R3HDM1: variants seen among roughly 807,000 people sequenced by gnomAD.
The protein encoded by R3HDM1 is R3H domain containing 1.
R3HDM1 carries 46 observed loss-of-function variants against 141.1 expected under a neutral mutation model. The observed-to-expected ratio is 0.33, with a 90% CI of 0.26 to 0.42. The LOEUF (loss-of-function observed/expected upper bound fraction) is 0.42. Ranked by LOEUF, R3HDM1 falls within the 10% of genes least tolerant of loss-of-function variation. R3HDM1 has a pLI of 1.00. For missense variants in R3HDM1, 1,184 were observed against 1,368.3 expected (o/e 0.87, Z 2.12); for synonymous variants, 435 against 472.9 (o/e 0.92, Z 1.04).
intron 21 of R3HDM1, among the ~76,000 whole-genome samples, chr2:135,695,694 T>A (rs2073136676): frequency 1.3e-5 from 2 of 152,032 alleles, no homozygotes; most frequent in Non-Finnish European, 2.9e-5. Flanking sequence ...CAGAAGACAG[T>A]GGAGCAACAT....
chr2:135,619,059 G>A (rs2061326010), intron 5 of R3HDM1, among the ~76,000 whole-genome samples: 1 of 151,214 alleles, frequency 6.6e-6, no homozygotes, highest in Non-Finnish European at 1.5e-5. Context: ...GTACAAGTCA[G>A]AGTAAAGAAT....
At position 135,661,287 on chromosome 2, in the gene R3HDM1, C is replaced by T. The variant is rs770226475; in HGVS notation, c.2046C>T (p.Cys682=). The T allele has an allele frequency of 9.9e-6, 16 of 1,613,802 alleles. No homozygotes were observed. The highest frequency in any genetic ancestry group is 3.3e-5 in the South Asian group (3 of 91,068). Residue 682 remains cysteine (C), a synonymous_variant, in exon 19 of 27, where the codon TGC becomes TGT. Coordinates refer to ENST00000683871, the MANE Select transcript of R3HDM1 (RefSeq NM_001378107.1). ...GATCCTAGATGCCAGCCTGTTATTG[C>T]GCTCCAGGCCACTATCACTCCAGCC... ...QPSPQMPACY[C]APGHYHSSQP... is the part of the protein sequence containing the mutation.
intron 5 of R3HDM1, chr2:135,619,778 A>G (rs565157480): frequency 1.1e-6 from 1 of 929,796 alleles, no homozygotes; most frequent in Admixed American, 6.2e-5. Context: ...CTGGAATAAA[A>G]CTCATTATTC....
At chr2:135,661,593 T>C (rs906258902) in intron 19 of R3HDM1, among the ~76,000 whole-genome samples, 200 bp downstream of exon 19, 1 of 152,228 alleles carries the variant, frequency 6.6e-6, no homozygotes, top group African/African-American at 2.4e-5. Context: ...CACGTCTACA[T>C]GCTAAAGGGT....
At chr2:135,602,151 T>G (rs1429326294) in intron 1 of R3HDM1, among the ~76,000 whole-genome samples, 1 of 152,076 alleles carries the variant, frequency 6.6e-6, no homozygotes, top group East Asian at 1.9e-4. Flanking sequence ...AAAATGATGG[T>G]TCTTGGAGTT....
At chr2:135,584,851 G>A (rs1297696953) in intron 1 of R3HDM1, among the ~76,000 whole-genome samples, 1 of 152,108 alleles carries the variant, frequency 6.6e-6, no homozygotes, top group African/African-American at 2.4e-5. Context: ...CTGCATTTTA[G>A]CTTGTCCATC....
At chr2:135,607,429 C>G in intron 3 of R3HDM1, 1 of 695,636 alleles carries the variant, frequency 1.4e-6, no homozygotes, top group Non-Finnish European at 1.8e-6. Context: ...CACTTATAGT[C>G]AAGTGGTAAT....
intron 15 of R3HDM1, among the ~76,000 whole-genome samples, chr2:135,642,335 A>G (rs112834595): frequency 3.9e-5 from 6 of 152,286 alleles, no homozygotes; most frequent in Middle Eastern, 6.8e-3. Flanking sequence ...TTGACAATAC[A>G]TATTCTTTGC....
chr2:135,692,515 C>A (rs144533449), intron 21 of R3HDM1, among the ~76,000 whole-genome samples: 2 of 152,188 alleles, frequency 1.3e-5, no homozygotes, highest in African/African-American at 4.8e-5. Flanking sequence ...TCGCTTGAAC[C>A]CAGGAGGCAG....
intron 1 of R3HDM1, among the ~76,000 whole-genome samples, chr2:135,547,098 C>T (rs918810464): frequency 5.3e-5 from 8 of 152,152 alleles, no homozygotes; most frequent in Non-Finnish European, 8.8e-5. Flanking sequence ...ATCTTTTGAA[C>T]TCAGACACCT....
intron 24 of R3HDM1, 91 bp downstream of exon 24, chr2:135,715,785 C>T: frequency 6.8e-7 from 1 of 1,462,778 alleles, no homozygotes; most frequent in Non-Finnish European, 9.3e-7. Flanking sequence ...TATTGCCTTT[C>T]TATTTTCCAT....
intron 21 of R3HDM1, among the ~76,000 whole-genome samples, chr2:135,701,223 CAAAAAAAAA>C (rs748354211): frequency 3.6e-5 from 3 of 82,432 alleles, no homozygotes; most frequent in South Asian, 3.6e-4. Context: ...TCATCTCTAC[CAAAAAAAAA>C]AAAAAAAAAA....
At chr2:135,545,021 T>C (rs1444938348) in intron 1 of R3HDM1, among the ~76,000 whole-genome samples, 2 of 152,174 alleles carry the variant, frequency 1.3e-5, no homozygotes, top group African/African-American at 4.8e-5. Context: ...TAATAAAATG[T>C]AAATAACCCC....
chr2:135,716,509 A>T lies in R3HDM1; in HGVS notation c.2881+815A>T, dbSNP rs75141867. Among the ~76,000 whole-genome samples, 1,486 of 152,322 alleles carry T rather than the reference A, an allele frequency of 9.8e-3. 23 individuals are homozygous for T. The highest frequency in any genetic ancestry group is 0.034 in the African/African-American group (1,419 of 41,566). ...ATTTCCTAGAATTTATCCTAAGGAT[A>T]ATGCACACAAAGATTTATATACAGA... On this transcript the variant is annotated intron_variant, in intron 24 of 26. Transcript: ENST00000683871.
At chr2:135,675,550 C>T (rs747217800) in intron 20 of R3HDM1, 64 bp downstream of exon 20, 27 of 1,447,698 alleles carry the variant, frequency 1.9e-5, no homozygotes, top group African/African-American at 2.8e-5. Flanking sequence ...TGCACAACTA[C>T]AATACATCTT....
In R3HDM1 at chr2:135,722,457, G is replaced by C. The variant is rs752111716; in HGVS notation, c.2965-12G>C. ...TATTAACGTTGTTTCTCAACTATTT[G>C]TGGGTTTTCAGGGTCAGCCTGGCAG... On this transcript the variant is annotated splice_polypyrimidine_tract_variant and intron_variant, in intron 25 of 26. Transcript: ENST00000683871. The C allele has an allele frequency of 3.7e-6, 6 of 1,613,022 alleles. No homozygotes were observed. In the South Asian group the frequency reaches 5.5e-5, roughly 15 times the overall value.
At chr2:135,649,878 G>A (rs761664698) in intron 16 of R3HDM1, 24 bp from the exon 17 acceptor site, 1 of 1,182,860 alleles carries the variant, frequency 8.5e-7, no homozygotes, top group Middle Eastern at 2.4e-4. Context: ...CATTAACATT[G>A]TTTGCCAACC....
intron 26 of R3HDM1, 91 bp downstream of exon 26, chr2:135,722,644 T>C (rs1382435885): frequency 5.3e-5 from 66 of 1,246,822 alleles, no homozygotes; most frequent in Non-Finnish European, 7.4e-5. Context: ...TTCCTCTTCC[T>C]AGAATCCTGC....
chr2:135,681,160 T>C (rs1370375791), intron 21 of R3HDM1, among the ~76,000 whole-genome samples: 1 of 152,340 alleles, frequency 6.6e-6, no homozygotes, highest in South Asian at 2.1e-4. Flanking sequence ...TTTCATTGAA[T>C]TGGGTCCCTT....
Sources: allele counts gnomAD v4.1 joint callset (sites outside exome capture counted in the v4.1 genomes callset), GRCh38; gene constraint gnomAD v4.1.1; transcripts MANE v1.5; gene names NCBI Gene and HGNC (gene_info 2026-07-23, HGNC 2026-07-21).